The following TRAM2 variants were observed in gnomAD, a reference collection of about 807,000 sequenced individuals.
The protein encoded by TRAM2 is translocating chain-associated membrane protein 2.
TRAM2 carries 12 observed loss-of-function variants against 51.0 expected under a neutral mutation model. That is an observed-to-expected ratio of 0.24 (90% CI 0.15 to 0.38). The LOEUF is 0.38. TRAM2 is among the 10% of genes least tolerant of loss of function. The probability of loss-of-function intolerance (pLI) is 1.00; values close to 1 mark genes in which losing one functional copy is unlikely to be tolerated. For missense variants in TRAM2, 361 were observed against 462.0 expected (o/e 0.78, Z 2.00); for synonymous variants, 175 against 179.4 (o/e 0.98, Z 0.20).
At chr6:52,535,923 C>A in intron 1 of TRAM2, 77 bp from the exon 2 acceptor site, 1 of 1,239,752 alleles carries the variant, frequency 8.1e-7, no homozygotes. Flanking sequence ...GCTAACCGCC[C>A]CTTTTACATC....
intron 2 of TRAM2, among the ~76,000 whole-genome samples, chr6:52,533,510 T>C (rs548600574): frequency 1.3e-5 from 2 of 152,308 alleles, no homozygotes; most frequent in South Asian, 2.1e-4. Flanking sequence ...ACAGAGATGC[T>C]CTCCAGTCTC....
chr6:52,560,137 G>A (rs1467763927), intron 1 of TRAM2, among the ~76,000 whole-genome samples: 3 of 151,888 alleles, frequency 2.0e-5, no homozygotes, highest in Admixed American at 6.6e-5. Flanking sequence ...CAGCTACTTC[G>A]GGAGGCTGAG....
rs75126726 is a variant in TRAM2, at chr6:52,574,269, T to C, written c.120+2527A>G. On this transcript the variant is annotated intron_variant, in intron 1 of 10. Coordinates refer to ENST00000182527, the MANE Select transcript of TRAM2 (RefSeq NM_012288.4). ...CTGAGTGTGAAGATGCCCACATTTG[T>C]TTCTCTGTGGTACCTACAGTATCCA... 6.4e-3 allele frequency among the ~76,000 whole-genome samples: 975 copies of C among 152,262 alleles called. 9 individuals carry two copies. Among genetic ancestry groups the C allele is most frequent in the African/African-American group, 0.022 (923 of 41,540 alleles).
At chr6:52,526,148 GACAGACACACACACACACACACACACAC>G (rs1440163904) in intron 2 of TRAM2, among the ~76,000 whole-genome samples, 2,399 of 146,464 alleles carry the variant, frequency 0.016, 65 homozygotes, top group African/African-American at 0.054. Context: ...AATACACACA[GACAGACACACACACACACACACACACAC>G]ACACACACAC....
rs547181192 is a variant in TRAM2 at position 52,549,360 on chromosome 6, C to T, written c.121-13514G>A. Among the ~76,000 whole-genome samples, 67 of 150,580 alleles carry T rather than the reference C, an allele frequency of 4.4e-4. 2 individuals are homozygous for T. In the South Asian group the frequency reaches 0.014, roughly 31 times the overall value. ...GGATACCATCTATTCCAGCATGGTG[C>T]GCATTTCAAAGCTTTGCTTCCCACA... On this transcript the variant is annotated intron_variant, in intron 1 of 10. Transcript: ENST00000182527.
intron 2 of TRAM2, among the ~76,000 whole-genome samples, chr6:52,525,732 C>T (rs1766765346): frequency 6.6e-6 from 1 of 152,160 alleles, no homozygotes; most frequent in Admixed American, 6.5e-5. Flanking sequence ...AACTTGAACC[C>T]AGGAGGTGGA....
rs368784857 is a variant in TRAM2 at position 52,512,367 on chromosome 6, C to T, written c.412-2781G>A. On this transcript the variant is annotated intron_variant, in intron 4 of 10. Transcript: ENST00000182527. ...TGCCTGCTTGTGAATGTCCAGTCCACGGGGACTGGAGGAGGAAAAGGGTGG... is the reference window on the plus strand; with the variant it reads ...TGCCTGCTTGTGAATGTCCAGTCCATGGGGACTGGAGGAGGAAAAGGGTGG... 1.6e-4 allele frequency among the ~76,000 whole-genome samples: 24 copies of T among 152,202 alleles called. 1 individual carries two copies. The South Asian group carries it at 4.8e-3, about 30-fold the overall frequency.
intron 1 of TRAM2, among the ~76,000 whole-genome samples, chr6:52,558,204 AG>A (rs1420846668): frequency 1.3e-5 from 2 of 152,094 alleles, no homozygotes; most frequent in African/African-American, 4.8e-5. Context: ...AAATTCCTTC[AG>A]GGATTGACAG....
At chr6:52,550,725 T>A in intron 1 of TRAM2, among the ~76,000 whole-genome samples, 1 of 152,086 alleles carries the variant, frequency 6.6e-6, no homozygotes, top group African/African-American at 2.4e-5. Context: ...CTAATTTTTG[T>A]ACTTTTAGTA....
At chr6:52,510,082 T>A (rs962573091) in intron 4 of TRAM2, among the ~76,000 whole-genome samples, 2 of 152,128 alleles carry the variant, frequency 1.3e-5, no homozygotes, top group Admixed American at 1.3e-4. Flanking sequence ...ATGAAAAGCC[T>A]ACTTTGGCTT....
At chr6:52,559,068 T>C (rs1171168667) in intron 1 of TRAM2, among the ~76,000 whole-genome samples, 1 of 152,158 alleles carries the variant, frequency 6.6e-6, no homozygotes, top group African/African-American at 2.4e-5. Flanking sequence ...TATACACTAC[T>C]TGGAAAGAGA....
chr6:52,560,030 C>G (rs1318885926), intron 1 of TRAM2, among the ~76,000 whole-genome samples: 1 of 152,078 alleles, frequency 6.6e-6, no homozygotes, highest in Admixed American at 6.5e-5. Context: ...CACCTGAGGT[C>G]AGGAGTTCCA....
Position 52,547,329 on chromosome 6 carries a change from G to C in TRAM2, c.121-11483C>G, listed in dbSNP as rs981959233. Among the ~76,000 whole-genome samples the C allele has an allele frequency of 7.9e-5, 12 of 152,140 alleles. No homozygotes were observed. The East Asian group carries it at 2.1e-3, about 27-fold the overall frequency. On this transcript the variant is annotated intron_variant, in intron 1 of 10. Transcript: ENST00000182527. ...AACTGAGATCCAGTGCTGCAGAGAG[G>C]GATGCCCAAGAGGGTGCACTGGGCC... is the stretch of plus-strand genomic sequence containing the variant.
chr6:52,565,348 G>T (rs1259472719), intron 1 of TRAM2, among the ~76,000 whole-genome samples: 2 of 152,160 alleles, frequency 1.3e-5, no homozygotes, highest in Non-Finnish European at 2.9e-5. Flanking sequence ...GGCAATTCAG[G>T]AGGTAAAACC....
intron 10 of TRAM2, among the ~76,000 whole-genome samples, chr6:52,503,734 A>T (rs1766285737): frequency 6.6e-6 from 1 of 152,198 alleles, no homozygotes; most frequent in Admixed American, 6.5e-5. Context: ...GAGGGGGACA[A>T]GAGGCTGTAG....
rs371186099 is a variant in TRAM2 at position 52,554,346 on chromosome 6, G to A, written c.121-18500C>T. On this transcript the variant is annotated intron_variant, in intron 1 of 10. Transcript: ENST00000182527. Reference sequence around the variant, plus strand: ...TCGAGACCAGCCTGGCCAACATGGTGAAAACCTGTCTCTACTAAAAATACA... The same window carrying A: ...TCGAGACCAGCCTGGCCAACATGGTAAAAACCTGTCTCTACTAAAAATACA... Among the ~76,000 whole-genome samples, 134 of 152,148 alleles carry A rather than the reference G, an allele frequency of 8.8e-4. 1 individual carries two copies. In the South Asian group the frequency reaches 0.02, roughly 22 times the overall value.
intron 1 of TRAM2, among the ~76,000 whole-genome samples, chr6:52,571,187 T>G (rs1169503678): frequency 6.6e-6 from 1 of 152,158 alleles, no homozygotes; most frequent in African/African-American, 2.4e-5. Flanking sequence ...CTAATAGCGC[T>G]CTCGCTGATT....
At chr6:52,523,070 T>C (rs1275770970) in intron 2 of TRAM2, 2 of 537,500 alleles carry the variant, frequency 3.7e-6, no homozygotes, top group Non-Finnish European at 6.5e-6. Context: ...TTCTTTTGTC[T>C]GAAAGCTAGT....
intron 2 of TRAM2, among the ~76,000 whole-genome samples, chr6:52,527,434 A>G (rs1766803544): frequency 6.6e-6 from 1 of 151,550 alleles, no homozygotes; most frequent in Non-Finnish European, 1.5e-5. Flanking sequence ...TAGGTAGAAG[A>G]AACGATTTGA....
Sources: gnomAD v4.1 joint callset for allele counts (sites outside exome capture counted in the v4.1 genomes callset) on GRCh38, gnomAD v4.1.1 for gene constraint, MANE v1.5 for transcripts, NCBI Gene and HGNC (gene_info 2026-07-23, HGNC 2026-07-21) for gene names.